KHDRBS3: variants seen among roughly 807,000 people sequenced by gnomAD.
The protein encoded by KHDRBS3 is KH RNA binding domain containing, signal transduction associated 3.
In KHDRBS3, 23 loss-of-function variants were observed where a neutral mutation model predicts 45.6. The observed-to-expected ratio is 0.50, with a 90% CI of 0.36 to 0.72. KHDRBS3 has a LOEUF of 0.72. Among genes scored for constraint, KHDRBS3 ranks in the 30% least tolerant of loss-of-function variants. KHDRBS3 has a pLI of 0.00. For synonymous variants in KHDRBS3, 162 were observed against 156.5 expected, an observed-to-expected ratio of 1.04 and a Z score of -0.26; for missense variants, 352 against 424.8, an observed-to-expected ratio of 0.83 and a Z score of 1.51.
At chr8:135,477,306 CA>C (rs1822339984) in intron 1 of KHDRBS3, among the ~76,000 whole-genome samples, 1 of 152,128 alleles carries the variant, frequency 6.6e-6, no homozygotes, top group Admixed American at 6.5e-5. Context: ...GTTTTGACTT[CA>C]AAACCTGTGC....
intron 6 of KHDRBS3, among the ~76,000 whole-genome samples, chr8:135,594,695 A>G (rs1385706336): frequency 3.9e-5 from 6 of 152,254 alleles, no homozygotes; most frequent in Non-Finnish European, 5.9e-5. Flanking sequence ...AATATCCAGT[A>G]CTATTCACAT....
intron 7 of KHDRBS3, among the ~76,000 whole-genome samples, chr8:135,631,452 T>G (rs971857059): frequency 1.3e-5 from 2 of 152,100 alleles, no homozygotes; most frequent in African/African-American, 4.8e-5. Context: ...AACTAATGTT[T>G]TGGTTTTTTT....
intron 1 of KHDRBS3, among the ~76,000 whole-genome samples, chr8:135,466,520 A>T (rs951273309): frequency 1.3e-5 from 2 of 152,218 alleles, no homozygotes; most frequent in South Asian, 4.1e-4. Context: ...CCATGGTAAT[A>T]TGTTTATTTT....
chr8:135,631,078 A>G (rs1830578699), intron 7 of KHDRBS3, among the ~76,000 whole-genome samples: 1 of 152,004 alleles, frequency 6.6e-6, no homozygotes, highest in South Asian at 2.1e-4. Context: ...GTGAGACCCC[A>G]TCTCTACTAA....
rs569914759 is a variant in KHDRBS3, at chr8:135,571,644, A to G, written c.612-10234A>G. 2.0e-5 allele frequency among the ~76,000 whole-genome samples: 3 copies of G among 152,214 alleles called. No homozygotes were observed. In the South Asian group the frequency reaches 6.2e-4, roughly 32 times the overall value. The stretch of plus-strand genomic sequence containing the variant: ...GAGAGCGGATATGAACAAACAGAAG[A>G]AATCAGATGGGATAGTGCTGGCGGG... On this transcript the variant is annotated intron_variant, in intron 5 of 8. Coordinates refer to ENST00000355849, the MANE Select transcript of KHDRBS3 (RefSeq NM_006558.3).
intron 5 of KHDRBS3, among the ~76,000 whole-genome samples, chr8:135,576,775 G>A (rs921281147): frequency 2.0e-5 from 3 of 152,006 alleles, no homozygotes; most frequent in African/African-American, 4.8e-5. Context: ...TGAAGTCTGC[G>A]CTTTCTCAGC....
rs962880754 is a variant in KHDRBS3, at chr8:135,580,847, A to G, written c.612-1031A>G. ...AGGCTGGTCTTGAACTCTTGGCCTC[A>G]GGTGATCCACCTGCCTTGGCCTCCC... On this transcript the variant is annotated intron_variant, in intron 5 of 8. Transcript: ENST00000355849. Among the ~76,000 whole-genome samples, 6 of 152,170 alleles carry G rather than the reference A, an allele frequency of 3.9e-5. No individual in the cohort carries two copies. The South Asian group carries it at 6.2e-4, about 16-fold the overall frequency.
intron 7 of KHDRBS3, among the ~76,000 whole-genome samples, chr8:135,633,314 C>T (rs1003344396): frequency 6.6e-6 from 1 of 152,208 alleles, no homozygotes; most frequent in Non-Finnish European, 1.5e-5. Flanking sequence ...AGAGCAGGAG[C>T]TCTCTCTCCT....
intron 7 of KHDRBS3, among the ~76,000 whole-genome samples, chr8:135,643,852 C>T (rs962557446): frequency 2.6e-5 from 4 of 152,122 alleles, no homozygotes; most frequent in East Asian, 1.9e-4. Flanking sequence ...TATCCGAGGC[C>T]GGGGGTGATG....
At chr8:135,550,071 A>C (rs577463642) in intron 4 of KHDRBS3, 5 of 152,224 alleles carry the variant, frequency 3.3e-5, no homozygotes, top group Non-Finnish European at 7.3e-5. Context: ...GTCAGATATG[A>C]GTCAGTTTTT....
chr8:135,474,178 G>GA (rs11458798), intron 1 of KHDRBS3, among the ~76,000 whole-genome samples: 17,596 of 151,436 alleles, frequency 0.12, 1,972 homozygotes, highest in African/African-American at 0.3. Flanking sequence ...CCGTCTGTTT[G>GA]AAAAAAAAAT....
chr8:135,581,753 G>T, intron 5 of KHDRBS3, 125 bp from the exon 6 acceptor site: 1 of 787,400 alleles, frequency 1.3e-6, no homozygotes, highest in Admixed American at 2.9e-5. Context: ...CTTTGCTTGT[G>T]ACTTCCTTCT....
intron 4 of KHDRBS3, among the ~76,000 whole-genome samples, chr8:135,551,899 C>T (rs1826621884): frequency 6.6e-6 from 1 of 152,120 alleles, no homozygotes; most frequent in Admixed American, 6.5e-5. Flanking sequence ...ATTTTACCTA[C>T]ATCCTAAAAA....
chr8:135,584,827 G>A (rs921785905), intron 6 of KHDRBS3, among the ~76,000 whole-genome samples: 1 of 152,050 alleles, frequency 6.6e-6, no homozygotes, highest in African/African-American at 2.4e-5. Flanking sequence ...TCAGACCTTG[G>A]CCATTGGTCT....
At chr8:135,526,328 A>G (rs1825184966) in intron 2 of KHDRBS3, among the ~76,000 whole-genome samples, 1 of 151,808 alleles carries the variant, frequency 6.6e-6, no homozygotes, top group Non-Finnish European at 1.5e-5. Flanking sequence ...ATTATAATTT[A>G]AAATTTAATT....
intron 3 of KHDRBS3, among the ~76,000 whole-genome samples, chr8:135,544,215 T>G (rs1826180116): frequency 6.6e-6 from 1 of 152,066 alleles, no homozygotes; most frequent in Non-Finnish European, 1.5e-5. Context: ...TCCCACTTAT[T>G]TAGTTTGTTG....
intron 5 of KHDRBS3, among the ~76,000 whole-genome samples, chr8:135,567,170 T>C (rs1355243227): frequency 6.6e-6 from 1 of 152,058 alleles, no homozygotes; most frequent in Non-Finnish European, 1.5e-5. Context: ...CAAAGAGCTT[T>C]TAAGCTATTC....
chr8:135,490,261 C>T (rs1823079095), intron 1 of KHDRBS3, among the ~76,000 whole-genome samples: 1 of 151,444 alleles, frequency 6.6e-6, no homozygotes, highest in African/African-American at 2.4e-5. Context: ...GTGGATCTTC[C>T]CTTGCCTCCC....
chr8:135,644,133 T>C (rs1831184733), intron 7 of KHDRBS3, among the ~76,000 whole-genome samples: 1 of 152,204 alleles, frequency 6.6e-6, no homozygotes, highest in South Asian at 2.1e-4. Context: ...ATACTCAGAA[T>C]GGTTATGGCT....
Sources: allele counts gnomAD v4.1 joint callset (sites outside exome capture counted in the v4.1 genomes callset), GRCh38; gene constraint gnomAD v4.1.1; transcripts MANE v1.5; gene names NCBI Gene and HGNC (gene_info 2026-07-23, HGNC 2026-07-21).